ERMARD: variants seen among roughly 807,000 people sequenced by gnomAD.
The protein encoded by ERMARD is endoplasmic reticulum membrane-associated RNA degradation protein.
Under a neutral mutation model 83.9 loss-of-function variants are expected in ERMARD, and 71 were observed. The observed-to-expected ratio is 0.85, with a 90% CI of 0.70 to 1.03. The LOEUF is 1.03. Among genes scored for constraint, ERMARD ranks in the 50% least tolerant of loss-of-function variants. The pLI, the probability that ERMARD is intolerant of heterozygous loss-of-function variation, is 0.00. For missense variants in ERMARD, 838 were observed against 810.9 expected, an observed-to-expected ratio of 1.03 and a Z score of -0.41; for synonymous variants, 284 against 298.6, an observed-to-expected ratio of 0.95 and a Z score of 0.50.
At chr6:169,769,413 C>A in intron 11 of ERMARD, 127 bp from the exon 12 acceptor site, 1 of 830,098 alleles carries the variant, frequency 1.2e-6, no homozygotes, top group Non-Finnish European at 1.8e-6. Flanking sequence ...GAGCTCTCCC[C>A]AGCAGAGTCC....
intron 9 of ERMARD, among the ~76,000 whole-genome samples, chr6:169,765,180 A>T (rs1461447237): frequency 1.3e-5 from 2 of 152,264 alleles, no homozygotes; most frequent in East Asian, 3.8e-4. Context: ...CATGCGGTGC[A>T]AATAAATTTG....
Position 169,773,417 on chromosome 6 carries a change from G to A in ERMARD, c.1317+15G>A, listed in dbSNP as rs755895683. ...TTAAAAAACAGGTATGCCAAATGCA[G>A]GGTCCCGGGAGGGGCGTGTATGTCT... is the stretch of plus-strand genomic sequence containing the variant. On this transcript the variant is annotated intron_variant, in intron 13 of 17. Coordinates refer to ENST00000366773, the MANE Select transcript of ERMARD (RefSeq NM_018341.3). The A allele has an allele frequency of 3.1e-6, 5 of 1,613,826 alleles. No homozygotes were observed. In the South Asian group the frequency reaches 5.5e-5, roughly 18 times the overall value.
chr6:169,757,082 G>A (rs558826289), intron 5 of ERMARD, among the ~76,000 whole-genome samples: 5 of 152,108 alleles, frequency 3.3e-5, no homozygotes, highest in African/African-American at 7.2e-5. Context: ...GGGAAAGACC[G>A]GTCCCCATGA....
chr6:169,759,344 G>T (rs1239005503), intron 6 of ERMARD, among the ~76,000 whole-genome samples: 1 of 152,146 alleles, frequency 6.6e-6, no homozygotes, highest in Non-Finnish European at 1.5e-5. Context: ...TTTCATTAGG[G>T]TCTTCATCAG....
In ERMARD at chr6:169,776,442, G is replaced by A. The variant is rs777258624; in HGVS notation, c.1521-13G>A. On this transcript the variant is annotated splice_polypyrimidine_tract_variant and intron_variant, in intron 15 of 17. Coordinates refer to ENST00000366773, the MANE Select transcript of ERMARD (RefSeq NM_018341.3). The stretch of plus-strand genomic sequence containing the variant: ...GATCATGATGCCTGCTCCAAGTCTG[G>A]CTCTGTTTGCAGGTGGCCCCAGCTT... 6.2e-7 allele frequency: 1 copy of A among 1,611,112 alleles called. No homozygotes were observed. The highest frequency in any genetic ancestry group is 1.1e-5 in the South Asian group (1 of 90,234).
rs1405133707 is a variant in ERMARD, at chr6:169,781,385, G to A, written c.1909G>A (p.Glu637Lys). The change falls in exon 18 of 18, where the codon GAA (glutamate) becomes AAA (lysine). Residue 637 changes from glutamate (E) to lysine (K), a missense_variant. Glu to Lys is a moderately conservative substitution (Grantham distance 56). Transcript: ENST00000366773. Reference sequence around the variant, plus strand: ...GAACCTGGTGGCTTACACCAGTTACGAAAAGAACAAGTGGAATGAAACTAT... The same window carrying A: ...GAACCTGGTGGCTTACACCAGTTACAAAAAGAACAAGTGGAATGAAACTAT... ...TENLVAYTSY[E>K]KNKWNETINL... 2.2e-5 allele frequency: 36 copies of A among 1,612,814 alleles called. No individual in the cohort carries two copies. Among genetic ancestry groups the A allele is most frequent in the Admixed American group, 5.0e-5 (3 of 59,808 alleles).
At chr6:169,769,510 A>C in intron 11 of ERMARD, 30 bp from the exon 12 acceptor site, 1 of 1,582,032 alleles carries the variant, frequency 6.3e-7, no homozygotes, top group Non-Finnish European at 8.6e-7. Context: ...GGATACTAAC[A>C]AAATATTTTC....
intron 3 of ERMARD, 141 bp downstream of exon 3, chr6:169,755,563 G>C: frequency 3.0e-6 from 3 of 1,014,934 alleles, no homozygotes; most frequent in African/African-American, 1.6e-5. Flanking sequence ...AGAGAACCCT[G>C]GGCTATTATG....
At chr6:169,774,583 G>C (rs1490842531) in intron 13 of ERMARD, among the ~76,000 whole-genome samples, 2 of 152,152 alleles carry the variant, frequency 1.3e-5, no homozygotes, top group African/African-American at 2.4e-5. Context: ...CCCCCTCCTG[G>C]CATCTCACAG....
rs757592295 is a variant in ERMARD at position 169,762,546 on chromosome 6, A to T, written c.960+15A>T. On this transcript the variant is annotated intron_variant, in intron 9 of 17. Transcript: ENST00000366773. ...TGACTGCTGAGGTAAGCTTGTTTTT[A>T]TTATTGATTGTGATCATTGTTGCTG... The T allele has an allele frequency of 1.9e-6, 3 of 1,599,484 alleles. No individual in the cohort carries two copies. The highest frequency in any genetic ancestry group is 2.2e-5 in the East Asian group (1 of 44,792).
chr6:169,772,427 G>A (rs1793050322), intron 12 of ERMARD, among the ~76,000 whole-genome samples: 1 of 152,162 alleles, frequency 6.6e-6, no homozygotes, highest in African/African-American at 2.4e-5. Context: ...TTCTTCTGTA[G>A]TTAACATCTA....
At chr6:169,772,475 T>C (rs1444069660) in intron 12 of ERMARD, among the ~76,000 whole-genome samples, 1 of 151,954 alleles carries the variant, frequency 6.6e-6, no homozygotes, top group Non-Finnish European at 1.5e-5. Flanking sequence ...TTAAGAATTG[T>C]AGGTAGTGGG....
At chr6:169,765,841 G>A (rs112517258) in intron 9 of ERMARD, among the ~76,000 whole-genome samples, 29 of 152,230 alleles carry the variant, frequency 1.9e-4, no homozygotes, top group Admixed American at 3.9e-4. Context: ...GCGTGCCACC[G>A]TGCAGCCAAT....
intron 4 of ERMARD, 99 bp downstream of exon 4, chr6:169,756,538 T>C (rs779240200): frequency 1.7e-4 from 175 of 1,033,672 alleles, no homozygotes; most frequent in Admixed American, 1.3e-4. Flanking sequence ...TATTTTCCTA[T>C]AAGATAAAAT....
In ERMARD at chr6:169,778,747, T is replaced by A. The variant is rs543763830; in HGVS notation, c.1740-435T>A. On this transcript the variant is annotated intron_variant, in intron 16 of 17. Transcript: ENST00000366773. Reference sequence around the variant, plus strand: ...GGGAAAAGTAAGATCTTAACTTTAATTGGGATTTCTTCAATCTGGTGGCAT... The same window carrying A: ...GGGAAAAGTAAGATCTTAACTTTAAATGGGATTTCTTCAATCTGGTGGCAT... Among the ~76,000 whole-genome samples, 46 of 152,258 alleles carry A rather than the reference T, an allele frequency of 3.0e-4. 1 individual carries two copies. Among genetic ancestry groups the A allele is most frequent in the Non-Finnish European group, 6.3e-4 (43 of 68,042 alleles).
At chr6:169,778,028 C>A (rs190998303) in intron 16 of ERMARD, among the ~76,000 whole-genome samples, 1 of 152,214 alleles carries the variant, frequency 6.6e-6, no homozygotes, top group Non-Finnish European at 1.5e-5. Flanking sequence ...GACGCGTTTC[C>A]GTCGCAGGAC....
chr6:169,753,498 C>G (rs1790416873), intron 1 of ERMARD: 1 of 158,732 alleles, frequency 6.3e-6, no homozygotes, highest in Non-Finnish European at 1.4e-5. Context: ...CAATAATGCT[C>G]TGGTCGTAAA....
At chr6:169,773,101 T>C (rs1169461205) in intron 12 of ERMARD, 10 of 463,444 alleles carry the variant, frequency 2.2e-5, no homozygotes, top group Non-Finnish European at 3.8e-5. Flanking sequence ...GCATTTGTGA[T>C]CTATTATTGT....
At chr6:169,776,342 G>T in intron 15 of ERMARD, 113 bp from the exon 16 acceptor site, 15 of 1,553,102 alleles carry the variant, frequency 9.7e-6, no homozygotes, top group Non-Finnish European at 1.2e-5. Flanking sequence ...AGACCAACCA[G>T]CGATACGCCG....
Sources: gnomAD v4.1 joint callset for allele counts (sites outside exome capture counted in the v4.1 genomes callset) on GRCh38, gnomAD v4.1.1 for gene constraint, MANE v1.5 for transcripts, NCBI Gene and HGNC (gene_info 2026-07-23, HGNC 2026-07-21) for gene names.